The following ZNF536 variants were observed in gnomAD, a reference collection of about 807,000 sequenced individuals.
ZNF536 encodes zinc finger protein 536.
A neutral mutation model predicts 84.5 loss-of-function variants in ZNF536; 13 were observed. The observed-to-expected ratio is 0.15, with a 90% CI of 0.10 to 0.24. The LOEUF (loss-of-function observed/expected upper bound fraction) is 0.24, where lower values mean the gene tolerates loss of function less well. ZNF536 is among the 10% of genes least tolerant of loss of function. The probability of loss-of-function intolerance (pLI) is 1.00; values close to 1 mark genes in which losing one functional copy is unlikely to be tolerated. For synonymous variants in ZNF536, 811 were observed against 742.5 expected (o/e 1.09, Z -1.50); for missense variants, 1,536 against 1,747.5 (o/e 0.88, Z 2.16).
At chr19:30,275,666 T>C (rs900131693) in intron 1 of ZNF536, among the ~76,000 whole-genome samples, 1 of 152,154 alleles carries the variant, frequency 6.6e-6, no homozygotes, top group African/African-American at 2.4e-5. Flanking sequence ...AGTGCCTCAG[T>C]TCTTCATCAA....
intron 2 of ZNF536, among the ~76,000 whole-genome samples, chr19:30,455,884 A>C (rs1568448943): frequency 6.6e-6 from 1 of 152,244 alleles, no homozygotes; most frequent in Non-Finnish European, 1.5e-5. Flanking sequence ...TTAGCCAAAA[A>C]GTACATACTT....
chr19:30,488,110 A>G (rs145572371), intron 2 of ZNF536, among the ~76,000 whole-genome samples: 207 of 152,198 alleles, frequency 1.4e-3, no homozygotes, highest in African/African-American at 4.7e-3. Flanking sequence ...GCCCTGTTCA[A>G]TTCTTCTTCA....
chr19:30,539,125 C>CCA (rs1555792989), intron 3 of ZNF536, among the ~76,000 whole-genome samples: 29 of 151,104 alleles, frequency 1.9e-4, no homozygotes, highest in Non-Finnish European at 3.0e-4. Flanking sequence ...TGCACCCCCC[C>CCA]CACACACACA....
At chr19:30,353,402 G>A (rs952769294) in intron 3 of ZNF536, among the ~76,000 whole-genome samples, 2 of 151,992 alleles carry the variant, frequency 1.3e-5, no homozygotes, top group Non-Finnish European at 1.5e-5. Context: ...CTTTATTTGA[G>A]TTAGAAAGTG....
At chr19:30,618,376 T>C (rs977611621) in intron 1 of ZNF536, among the ~76,000 whole-genome samples, 1 of 152,220 alleles carries the variant, frequency 6.6e-6, no homozygotes, top group Non-Finnish European at 1.5e-5. Flanking sequence ...TCTGATTCAC[T>C]TTACCTTAGA....
At chr19:30,381,837 G>A (rs940975419) in intron 1 of ZNF536, among the ~76,000 whole-genome samples, 12 of 152,186 alleles carry the variant, frequency 7.9e-5, no homozygotes, top group Non-Finnish European at 1.6e-4. Context: ...CGATCTATGT[G>A]GTTCTGTGTA....
chr19:30,410,096 A>G (rs2050417526), intron 1 of ZNF536, among the ~76,000 whole-genome samples: 1 of 152,180 alleles, frequency 6.6e-6, no homozygotes, highest in South Asian at 2.1e-4. Context: ...TTTTCTAATG[A>G]GATAAAGGGA....
chr19:30,437,067 C>T (rs1176455551), intron 1 of ZNF536, among the ~76,000 whole-genome samples: 1 of 152,140 alleles, frequency 6.6e-6, no homozygotes, highest in South Asian at 2.1e-4. Flanking sequence ...TTTTATTTTC[C>T]AATGATTCTT....
At chr19:30,494,925 AAC>A (rs1209156505) in intron 2 of ZNF536, among the ~76,000 whole-genome samples, 2 of 149,212 alleles carry the variant, frequency 1.3e-5, no homozygotes, top group Non-Finnish European at 3.0e-5. Flanking sequence ...CAGCCTGGGC[AAC>A]AGAGTGAGAC....
intron 1 of ZNF536, among the ~76,000 whole-genome samples, chr19:30,709,367 C>T (rs1408784673): frequency 6.6e-6 from 1 of 152,202 alleles, no homozygotes; most frequent in African/African-American, 2.4e-5. Flanking sequence ...ATCCCCCCAG[C>T]TCAGCCCTTC....
intron 1 of ZNF536, among the ~76,000 whole-genome samples, chr19:30,425,320 G>A (rs867915386): frequency 3.3e-5 from 5 of 152,024 alleles, no homozygotes; most frequent in Non-Finnish European, 4.4e-5. Context: ...AGTAACCGAG[G>A]GCCCCAGGGG....
chr19:30,303,349 G>A (rs1021626438), intron 2 of ZNF536, among the ~76,000 whole-genome samples: 2 of 152,210 alleles, frequency 1.3e-5, no homozygotes, highest in Non-Finnish European at 2.9e-5. Context: ...GGCGAGAGAG[G>A]CAGGGCAAGA....
downstream of ZNF536, among the ~76,000 whole-genome samples, chr19:30,561,292 G>A (rs2046155392): frequency 6.6e-6 from 1 of 152,202 alleles, no homozygotes; most frequent in Non-Finnish European, 1.5e-5. Context: ...TGACCACGAG[G>A]ACAGGCCACT....
chr19:30,317,905 G>T (rs2046732449), intron 2 of ZNF536, among the ~76,000 whole-genome samples: 1 of 152,226 alleles, frequency 6.6e-6, no homozygotes, highest in Admixed American at 6.5e-5. Context: ...ATCATATCTT[G>T]ATGGTATTTA....
rs2146232122 is a variant in ZNF536 at position 30,549,012 on chromosome 19, C to T, written c.3393C>T (p.Pro1131=). 8 of 1,614,156 alleles carry T rather than the reference C, an allele frequency of 5.0e-6. No individual in the cohort carries two copies. The highest frequency in any genetic ancestry group is 6.8e-6 in the Non-Finnish European group (8 of 1,180,040). The change falls in exon 4 of 5, where the codon CCC becomes CCT. Residue 1131 remains proline (P), a synonymous_variant. Coordinates refer to ENST00000355537, the MANE Select transcript of ZNF536 (RefSeq NM_014717.3). ...GCTCAGGGGCCTCCAGTTCCTGCCC[C>T]AACAAGGAGCCTGATGGAAAGGCCC... ...MVGSGASSSC[P]NKEPDGKAHS...
At chr19:30,400,271 G>T (rs1031214691) in intron 1 of ZNF536, among the ~76,000 whole-genome samples, 3 of 151,928 alleles carry the variant, frequency 2.0e-5, no homozygotes, top group Non-Finnish European at 4.4e-5. Flanking sequence ...GTATGGTAAG[G>T]GTATGTTTTA....
At chr19:30,600,485 C>T (rs1743893199) in intron 1 of ZNF536, among the ~76,000 whole-genome samples, 1 of 152,232 alleles carries the variant, frequency 6.6e-6, no homozygotes, top group South Asian at 2.1e-4. Context: ...AGGGCCCCCA[C>T]AGGCTGACCG....
At chr19:30,675,368 T>C (rs527336395) in intron 1 of ZNF536, among the ~76,000 whole-genome samples, 2 of 152,314 alleles carry the variant, frequency 1.3e-5, no homozygotes, top group African/African-American at 2.4e-5. Flanking sequence ...CGTTGCTCTA[T>C]GGCCAGTGAG....
At position 30,406,964 on chromosome 19, in the gene ZNF536, C is replaced by T. The variant is rs183996431; in HGVS notation, c.-3+34408C>T. Among the ~76,000 whole-genome samples, 90 of 152,264 alleles carry T rather than the reference C, an allele frequency of 5.9e-4. 1 individual carries two copies. Among genetic ancestry groups the T allele is most frequent in the Non-Finnish European group, 9.0e-4 (61 of 68,028 alleles). ...AACCTCTGTTGTCTCTGCTTTGGACCCTGGACTGACTGCAATCATGTCGGG... is the reference window on the plus strand; with the variant it reads ...AACCTCTGTTGTCTCTGCTTTGGACTCTGGACTGACTGCAATCATGTCGGG... On this transcript the variant is annotated intron_variant, in intron 1 of 4. Coordinates refer to ENST00000355537, the MANE Select transcript of ZNF536 (RefSeq NM_014717.3).
Sources: allele counts gnomAD v4.1 joint callset (sites outside exome capture counted in the v4.1 genomes callset), GRCh38; gene constraint gnomAD v4.1.1; transcripts MANE v1.5; gene names NCBI Gene and HGNC (gene_info 2026-07-23, HGNC 2026-07-21).